Variants in EYA2 observed in about 807,000 individuals in gnomAD.
EYA2 encodes the protein protein phosphatase EYA2.
A neutral mutation model predicts 69.2 loss-of-function variants in EYA2; 31 were observed. The ratio of observed to expected loss-of-function variants is 0.45; its 90% CI spans 0.34 to 0.60. The LOEUF is 0.60. Among genes scored for constraint, EYA2 ranks in the 20% least tolerant of loss-of-function variants. The pLI, the probability that EYA2 is intolerant of heterozygous loss-of-function variation, is 0.02. For missense variants in EYA2, 622 were observed against 701.2 expected (o/e 0.89, Z 1.28); for synonymous variants, 257 against 279.4 (o/e 0.92, Z 0.80).
intron 7 of EYA2, among the ~76,000 whole-genome samples, chr20:47,076,050 C>T (rs569454498): frequency 8.0e-4 from 122 of 152,298 alleles, no homozygotes; most frequent in African/African-American, 2.2e-3. Flanking sequence ...TTTATGGCTG[C>T]GTAGTATTCC....
chr20:47,161,088 A>T, intron 10 of EYA2: 1 of 312,238 alleles, frequency 3.2e-6, no homozygotes, highest in South Asian at 3.6e-5. Context: ...CGCCATCAGC[A>T]GCAGCTTTTG....
chr20:47,068,083 C>A (rs1380865026), intron 5 of EYA2, among the ~76,000 whole-genome samples: 1 of 152,176 alleles, frequency 6.6e-6, no homozygotes, highest in Non-Finnish European at 1.5e-5. Flanking sequence ...AGCCTACTAG[C>A]TTTATGACTT....
intron 10 of EYA2, among the ~76,000 whole-genome samples, chr20:47,160,121 G>C (rs1017799330): frequency 6.6e-6 from 1 of 152,302 alleles, no homozygotes; most frequent in African/African-American, 2.4e-5. Context: ...ATCTGACTTA[G>C]GGTTGAACAG....
intron 1 of EYA2, among the ~76,000 whole-genome samples, chr20:46,961,347 T>A (rs1235329212): frequency 1.3e-5 from 2 of 152,074 alleles, no homozygotes; most frequent in African/African-American, 2.4e-5. Flanking sequence ...TAAATAAATT[T>A]ATTTTAAAAA....
intron 5 of EYA2, among the ~76,000 whole-genome samples, chr20:47,056,290 A>G (rs1449836233): frequency 6.6e-6 from 1 of 151,874 alleles, no homozygotes; most frequent in Non-Finnish European, 1.5e-5. Flanking sequence ...TTGGTCTCAG[A>G]GCTGAGAACG....
chr20:47,013,304 A>C (rs1203186540), intron 4 of EYA2, among the ~76,000 whole-genome samples: 1 of 152,162 alleles, frequency 6.6e-6, no homozygotes, highest in Non-Finnish European at 1.5e-5. Flanking sequence ...GTCATAGAAG[A>C]CCTTTCTAGG....
chr20:46,941,744 T>C (rs1986162679), intron 1 of EYA2, among the ~76,000 whole-genome samples: 1 of 152,106 alleles, frequency 6.6e-6, no homozygotes, highest in African/African-American at 2.4e-5. Context: ...GGGTACATGA[T>C]AGACATGGGT....
At chr20:47,148,555 G>A (rs1398585324) in intron 10 of EYA2, among the ~76,000 whole-genome samples, 5 of 152,220 alleles carry the variant, frequency 3.3e-5, no homozygotes, top group Admixed American at 1.3e-4. Context: ...ATATGACAAA[G>A]ATGATGACAG....
In EYA2 at chr20:47,089,324, C is replaced by A; in HGVS notation, c.747C>A (p.Leu249=). 1 of 1,614,122 alleles carries A rather than the reference C, an allele frequency of 6.2e-7. No homozygotes were observed. The highest frequency in any genetic ancestry group is 8.5e-7 in the Non-Finnish European group (1 of 1,180,016). ...CGCACCGGGCCTCCGACGGGAAGCT[C>A]CGAGGCCGGTCTAAGAGGAGCAGTG... ...DRPHRASDGK[L]RGRSKRSSDP... Residue 249 remains leucine, a synonymous_variant, in exon 8 of 16, where the codon CTC becomes CTA. Coordinates refer to ENST00000327619, the MANE Select transcript of EYA2 (RefSeq NM_005244.5).
At chr20:47,139,151 C>T (rs1172051528) in intron 9 of EYA2, among the ~76,000 whole-genome samples, 1 of 152,166 alleles carries the variant, frequency 6.6e-6, no homozygotes, top group Non-Finnish European at 1.5e-5. Context: ...TTGCTATTTA[C>T]TAACAATTCT....
At chr20:47,005,895 C>T (rs1376632349) in intron 4 of EYA2, among the ~76,000 whole-genome samples, 2 of 152,196 alleles carry the variant, frequency 1.3e-5, no homozygotes, top group Non-Finnish European at 2.9e-5. Flanking sequence ...GATATCTTAA[C>T]CAAAGCCCTT....
chr20:47,125,931 A>G (rs1446154675), intron 9 of EYA2, among the ~76,000 whole-genome samples: 1 of 151,818 alleles, frequency 6.6e-6, no homozygotes, highest in Admixed American at 6.6e-5. Context: ...CCATTCCAGG[A>G]TTGGTGCTGA....
intron 5 of EYA2, among the ~76,000 whole-genome samples, chr20:47,029,767 A>G (rs1984299713): frequency 6.6e-6 from 1 of 152,222 alleles, no homozygotes; most frequent in South Asian, 2.1e-4. Context: ...TTTTTCTACA[A>G]CACATAATTG....
intron 1 of EYA2, among the ~76,000 whole-genome samples, chr20:46,915,154 A>G (rs905005510): frequency 6.6e-6 from 1 of 152,214 alleles, no homozygotes; most frequent in African/African-American, 2.4e-5. Flanking sequence ...TGCCTGTGGC[A>G]GGCAGAACAG....
At chr20:46,898,028 A>G (rs1361767849) in intron 1 of EYA2, among the ~76,000 whole-genome samples, 3 of 152,130 alleles carry the variant, frequency 2.0e-5, no homozygotes, top group Non-Finnish European at 2.9e-5. Flanking sequence ...CAAAATGAAA[A>G]GAAAGACTGC....
At chr20:47,152,701 C>T (rs1185343691) in intron 10 of EYA2, among the ~76,000 whole-genome samples, 2 of 151,474 alleles carry the variant, frequency 1.3e-5, no homozygotes, top group African/African-American at 2.4e-5. Context: ...ATCCCAGCTA[C>T]TCAGGAGGCT....
intron 7 of EYA2, 33 bp from the exon 8 acceptor site, chr20:47,089,204 TTC>T: frequency 6.2e-7 from 1 of 1,609,036 alleles, no homozygotes; most frequent in African/African-American, 1.3e-5. Flanking sequence ...CCAGCAAAGC[TTC>T]TGATTTGTCC....
At chr20:47,048,873 A>T (rs954364483) in intron 5 of EYA2, among the ~76,000 whole-genome samples, 34 of 152,360 alleles carry the variant, frequency 2.2e-4, no homozygotes, top group African/African-American at 7.7e-4. Flanking sequence ...GAGAAGTAAC[A>T]GAGGTGAGAG....
intron 4 of EYA2, among the ~76,000 whole-genome samples, chr20:47,010,789 ATTTT>A (rs10608509): frequency 7.2e-6 from 1 of 138,636 alleles, no homozygotes. Flanking sequence ...AATTGAGTTG[ATTTT>A]TTTTTTTTTT....
Sources: gnomAD v4.1 joint callset for allele counts (sites outside exome capture counted in the v4.1 genomes callset) on GRCh38, gnomAD v4.1.1 for gene constraint, MANE v1.5 for transcripts, NCBI Gene and HGNC (gene_info 2026-07-23, HGNC 2026-07-21) for gene names.